PAGE1: variants seen among roughly 807,000 people sequenced by gnomAD.
PAGE1 encodes the protein PAGE family member 1, also known as P antigen family member 1.
In PAGE1, 6 loss-of-function variants were observed where a neutral mutation model predicts 11.5. The ratio of observed to expected loss-of-function variants is 0.52; its 90% CI spans 0.29 to 1.03. PAGE1 has a LOEUF of 1.03. PAGE1 is among the 50% of genes least tolerant of loss of function. PAGE1 has a pLI of 0.09. For missense variants in PAGE1, 120 were observed against 110.2 expected, an observed-to-expected ratio of 1.09 and a Z score of -0.40; for synonymous variants, 42 against 40.2, an observed-to-expected ratio of 1.05 and a Z score of -0.17.
chrX:49,690,709 T>A (rs782740563), intron 4 of PAGE1, among the ~76,000 whole-genome samples: 2 of 110,546 alleles, frequency 1.8e-5, no homozygotes, highest in South Asian at 7.6e-4. Context: ...GGACTCTGGA[T>A]CAGAAAAAGA....
intron 1 of PAGE1, 64 bp downstream of exon 1, chrX:49,695,805 C>A (rs782267968): frequency 8.9e-6 from 1 of 112,336 alleles, no homozygotes; most frequent in African/African-American, 3.2e-5. Flanking sequence ...AGGGGCCCAC[C>A]GAACCTGCCC....
intron 3 of PAGE1, 100 bp from the exon 4 acceptor site, chrX:49,691,474 G>A: frequency 1.5e-6 from 1 of 650,749 alleles, no homozygotes. Flanking sequence ...AAAAGCTTTA[G>A]GTACTGTAAT....
intron 1 of PAGE1, among the ~76,000 whole-genome samples, chrX:49,695,396 G>C (rs2066937716): frequency 9.0e-6 from 1 of 111,366 alleles, no homozygotes; most frequent in Non-Finnish European, 1.9e-5. Context: ...TCACTCGGGT[G>C]TTTCTCACTC....
At chrX:49,689,797 T>C (rs1423369579) in intron 4 of PAGE1, among the ~76,000 whole-genome samples, 1 of 63,084 alleles carries the variant, frequency 1.6e-5, no homozygotes, top group Non-Finnish European at 2.7e-5. Context: ...CATATATATG[T>C]ATATATATGT....
At chrX:49,689,256 A>C (rs2066894579) in intron 5 of PAGE1, among the ~76,000 whole-genome samples, 162 bp downstream of exon 5, 2 of 108,468 alleles carry the variant, frequency 1.8e-5, no homozygotes. Flanking sequence ...GAGGAGAATC[A>C]CTTGAACTTG....
Position 49,689,527 on chromosome X carries a change from C to A in PAGE1, c.309G>T (p.Ala103=). Residue 103 remains alanine (A), a synonymous_variant, in exon 5 of 6, where the codon GCG becomes GCT. Coordinates refer to ENST00000376150, the MANE Select transcript of PAGE1 (RefSeq NM_003785.4). ...TCGGGTGAACCTGTTCCTGGCTATC[C>A]GCTTCAGGCTCTGGCCCTTAAAAAA... is the stretch of plus-strand genomic sequence containing the variant. ...KLPAEGPEPE[A]DSQEQVHPKT... The A allele has an allele frequency of 1.3e-6, 1 of 790,620 alleles. No individual in the cohort carries two copies. The highest frequency in any genetic ancestry group is 1.6e-6 in the Non-Finnish European group (1 of 642,291). 65.2% of individuals were successfully genotyped at this position (790,620 alleles called of 1,213,427 possible).
At chrX:49,691,660 T>G (rs2147145684) in intron 3 of PAGE1, among the ~76,000 whole-genome samples, 1 of 111,697 alleles carries the variant, frequency 9.0e-6, no homozygotes, top group South Asian at 3.8e-4. Context: ...CTTATTATAT[T>G]AAATGACTCA....
chrX:49,687,684 A>G, intron 5 of PAGE1, 121 bp from the exon 6 acceptor site: 2 of 568,887 alleles, frequency 3.5e-6, no homozygotes, highest in South Asian at 7.0e-5. Flanking sequence ...ATAGAACTCT[A>G]AGGGCGATCC....
At chrX:49,688,521 A>T (rs782724775) in intron 5 of PAGE1, among the ~76,000 whole-genome samples, 1 of 111,746 alleles carries the variant, frequency 8.9e-6, no homozygotes, top group South Asian at 3.8e-4. Context: ...TGAAATCTCA[A>T]TTCAGAGGTT....
chrX:49,689,992 CAT>C (rs1335071688), intron 4 of PAGE1, among the ~76,000 whole-genome samples: 1 of 53,875 alleles, frequency 1.9e-5, no homozygotes, highest in Non-Finnish European at 3.2e-5. Context: ...TATATACACA[CAT>C]ATATATGTGT....
rs565227923 is a variant in PAGE1, at chrX:49,694,021, GACACACACACAC to G, written c.166+66_166+77del. 506 of 363,416 alleles carry G rather than the reference GACACACACACAC, an allele frequency of 1.4e-3. 1 individual carries two copies. The highest frequency in any genetic ancestry group is 8.6e-3 in the African/African-American group (278 of 32,413). 29.9% of individuals were successfully genotyped at this position (363,416 alleles called of 1,213,427 possible). A position where few individuals can be genotyped will look rare whatever the true frequency, so the allele number is the denominator to read the frequency against. On this transcript the variant is annotated intron_variant, in intron 3 of 5. Coordinates refer to ENST00000376150, the MANE Select transcript of PAGE1 (RefSeq NM_003785.4). Reference sequence around the variant, plus strand: ...GTTCCTGGTATGTGACAATGCATGAGACACACACACACACACACACACACACACACACACACA... The same window carrying G: ...GTTCCTGGTATGTGACAATGCATGAGACACACACACACACACACACACACA...
intron 4 of PAGE1, 28 bp from the exon 5 acceptor site, chrX:49,689,571 AAAAAATATATATATATATAT>A (rs2066898139): frequency 9.0e-6 from 1 of 110,579 alleles, no homozygotes; most frequent in African/African-American, 1.4e-4. Flanking sequence ...AAAAAAAAAA[AAAAAATATATATATATATAT>A]ATATATATAT....
intron 1 of PAGE1, among the ~76,000 whole-genome samples, chrX:49,695,210 T>A (rs782746026): frequency 1.8e-5 from 2 of 112,385 alleles, no homozygotes; most frequent in Non-Finnish European, 3.8e-5. Flanking sequence ...ACAAGCGGAC[T>A]CCACATGAAA....
intron 4 of PAGE1, 32 bp from the exon 5 acceptor site, chrX:49,689,575 AAT>A (rs782177014): frequency 0.072 from 2,151 of 29,683 alleles, 69 homozygotes; most frequent in Non-Finnish European, 0.06. Flanking sequence ...AAAAAAAAAA[AAT>A]ATATATATAT....
chrX:49,690,071 ATATATATGTGTATATATGTG>A lies in PAGE1; in HGVS notation c.293-548_293-529del, dbSNP rs60666030. 8.3e-3 allele frequency among the ~76,000 whole-genome samples: 470 copies of A among 56,783 alleles called. 9 individuals carry two copies. The highest frequency in any genetic ancestry group is 0.032 in the East Asian group (30 of 944). 49.3% of individuals were successfully genotyped at this position (56,783 alleles called of 115,157 possible). On this transcript the variant is annotated intron_variant, in intron 4 of 5. Transcript: ENST00000376150. Reference sequence around the variant, plus strand: ...TGTGTATATATGTGTATATACACACATATATATGTGTATATATGTGTATATATGTGTATATATACACATAT... The same window carrying A: ...TGTGTATATATGTGTATATACACACATATATATGTGTATATATACACATAT...
intron 5 of PAGE1, 126 bp from the exon 6 acceptor site, chrX:49,687,689 C>A: frequency 1.9e-6 from 1 of 529,047 alleles, no homozygotes; most frequent in Non-Finnish European, 3.0e-6. Context: ...ACTCTAAGGG[C>A]GATCCTGTGT....
At chrX:49,695,636 C>T (rs1426790704) in intron 1 of PAGE1, among the ~76,000 whole-genome samples, 1 of 112,413 alleles carries the variant, frequency 8.9e-6, no homozygotes, top group East Asian at 2.8e-4. Flanking sequence ...GACCGCTTCC[C>T]CTTCATGGCC....
At position 49,689,445 on chromosome X, in the gene PAGE1, G is replaced by A; in HGVS notation, c.391C>T (p.Pro131Ser). 1 of 1,087,246 alleles carries A rather than the reference G, an allele frequency of 9.2e-7. No individual in the cohort carries two copies. The highest frequency in any genetic ancestry group is 4.2e-5 in the East Asian group (1 of 23,710). 89.6% of individuals were successfully genotyped at this position (1,087,246 alleles called of 1,213,427 possible). ...PDVQELGLPN[P>S]EEVKTPEEDE... ...TCCTCAGGTGTTTTCACCTCCTCTG[G>A]ATTTGGCAGGCCCAACTCCTGGACA... The change falls in exon 5 of 6, where the codon CCA becomes TCA. Residue 131 changes from proline (P) to serine (S), a missense_variant. Pro to Ser is a moderately conservative substitution (Grantham distance 74). Transcript: ENST00000376150.
chrX:49,692,263 T>C (rs1291639520), intron 3 of PAGE1, among the ~76,000 whole-genome samples: 1 of 112,470 alleles, frequency 8.9e-6, no homozygotes, highest in African/African-American at 3.2e-5. Flanking sequence ...AGTTTGATCA[T>C]TGTGCAGTGA....
Sources: allele counts gnomAD v4.1 joint callset (sites outside exome capture counted in the v4.1 genomes callset), GRCh38; gene constraint gnomAD v4.1.1; transcripts MANE v1.5; gene names NCBI Gene and HGNC (gene_info 2026-07-23, HGNC 2026-07-21).